ARHGAP39: variants seen among roughly 807,000 people sequenced by gnomAD.
ARHGAP39 encodes Rho GTPase activating protein 39.
In ARHGAP39, 44 loss-of-function variants were observed where a neutral mutation model predicts 106.9. That is an observed-to-expected ratio of 0.41 (90% CI 0.32 to 0.53). The LOEUF (loss-of-function observed/expected upper bound fraction) is 0.53, where lower values mean the gene tolerates loss of function less well. Ranked by LOEUF, ARHGAP39 falls within the 20% of genes least tolerant of loss-of-function variation. The pLI, the probability that ARHGAP39 is intolerant of heterozygous loss-of-function variation, is 0.21. For missense variants in ARHGAP39, 1,496 were observed against 1,577.3 expected (o/e 0.95, Z 0.87); for synonymous variants, 768 against 693.2 (o/e 1.11, Z -1.69).
In ARHGAP39 at chr8:144,580,900, G is replaced by T. The variant is rs200627287; in HGVS notation, c.458C>A (p.Pro153Gln). The change falls in exon 3 of 12, where the codon CCA (proline) becomes CAA (glutamine). Residue 153 changes from proline (P) to glutamine (Q), a missense_variant. This residue lies in a region of ARHGAP39 where 905 missense variants were observed against 816.4 expected (regional missense o/e 1.11). Transcript: ENST00000377307. ...EPDTEKAQEL[P>Q]ARAGRPAAFG... ...CGCCGCGGGCCGCCCGGCCCTCGCT[G>T]GCAACTCCTGCGCTTTCTCAGTGTC... The T allele has an allele frequency of 1.9e-6, 3 of 1,598,834 alleles. No homozygotes were observed. Among genetic ancestry groups the T allele is most frequent in the African/African-American group, 1.3e-5 (1 of 74,604 alleles).
chr8:144,533,012 T>C lies in ARHGAP39; in HGVS notation c.2888+114A>G. 4 of 1,273,606 alleles carry C rather than the reference T, an allele frequency of 3.1e-6. No homozygotes were observed. The South Asian group carries it at 4.2e-5, about 13-fold the overall frequency. The allele number at this position is 1,273,606 out of a possible 1,614,324, so 78.9% of individuals were successfully genotyped here. A position where few individuals can be genotyped will look rare whatever the true frequency, so the allele number is the denominator to read the frequency against. ...CCACCCTTCCATCTGCTCTCAGGTATGGGTGCGGAAGCAGCCCAGTGGGCC... is the reference window on the plus strand; with the variant it reads ...CCACCCTTCCATCTGCTCTCAGGTACGGGTGCGGAAGCAGCCCAGTGGGCC... On this transcript the variant is annotated intron_variant, in intron 9 of 11. Coordinates refer to ENST00000377307, the MANE Select transcript of ARHGAP39 (RefSeq NM_025251.3).
At chr8:144,687,331 C>T (rs550186116), upstream of ARHGAP39, among the ~76,000 whole-genome samples, 12 of 33,702 alleles carry the variant, frequency 3.6e-4, no homozygotes, top group Non-Finnish European at 5.3e-4. Flanking sequence ...CGAGCACTTC[C>T]CACCCCTGTG....
Position 144,604,635 on chromosome 8 carries a change from T to C in ARHGAP39, c.80+900A>G, listed in dbSNP as rs1464198777. 1.3e-5 allele frequency among the ~76,000 whole-genome samples: 2 copies of C among 152,102 alleles called. No homozygotes were observed. The highest frequency in any genetic ancestry group is 1.3e-4 in the Admixed American group (2 of 15,272). On this transcript the variant is annotated intron_variant, in intron 2 of 11. Coordinates refer to ENST00000377307, the MANE Select transcript of ARHGAP39 (RefSeq NM_025251.3). The surrounding 1 kb of genome is among the most constrained non-coding windows in gnomAD (Gnocchi z 4.1). ...TAGGGTGACTATTACCTTAAAAATA[T>C]CAATGTGACAACAGGCAGAGAAAAG...
chr8:144,658,998 A>G (rs1449132443), intron 1 of ARHGAP39, among the ~76,000 whole-genome samples: 1 of 152,148 alleles, frequency 6.6e-6, no homozygotes, highest in Non-Finnish European at 1.5e-5. Context: ...TACCAGGTTC[A>G]TGGATGTGGC....
At chr8:144,650,850 C>T (rs1821556183) in intron 1 of ARHGAP39, among the ~76,000 whole-genome samples, 2 of 152,110 alleles carry the variant, frequency 1.3e-5, no homozygotes, top group African/African-American at 4.8e-5. Flanking sequence ...CACAAGGATG[C>T]CCTCTCTCAC....
intron 2 of ARHGAP39, among the ~76,000 whole-genome samples, chr8:144,590,808 G>A (rs954649371): frequency 6.6e-6 from 1 of 152,084 alleles, no homozygotes; most frequent in Non-Finnish European, 1.5e-5. Context: ...CCAGCATGGA[G>A]ACCCCAGCCA....
At position 144,529,702 on chromosome 8, in the gene ARHGAP39, C is replaced by T. The variant is rs993711329; in HGVS notation, c.*720G>A. On this transcript the variant is annotated 3_prime_UTR_variant, in exon 12 of 12. Transcript: ENST00000377307. The stretch of plus-strand genomic sequence containing the variant: ...CTTATATCTTTCCCTCTATTTATAT[C>T]TCTATACACGGTGGGCTGCGATGCA... 1 of 152,256 alleles carries T rather than the reference C, an allele frequency of 6.6e-6. No homozygotes were observed. Among genetic ancestry groups the T allele is most frequent in the African/African-American group, 2.4e-5 (1 of 41,446 alleles). 9.4% of individuals were successfully genotyped at this position (152,256 alleles called of 1,614,324 possible).
intron 2 of ARHGAP39, among the ~76,000 whole-genome samples, chr8:144,602,066 T>TGCGA: frequency 8.1e-6 from 1 of 124,208 alleles, no homozygotes; most frequent in South Asian, 3.0e-4. Flanking sequence ...CATGCGTGCG[T>TGCGA]GCTCATGTAC....
At chr8:144,633,668 CA>C (rs1352318943) in intron 1 of ARHGAP39, among the ~76,000 whole-genome samples, 6 of 152,014 alleles carry the variant, frequency 3.9e-5, no homozygotes, top group Non-Finnish European at 1.5e-5. Flanking sequence ...ACCATGAGAA[CA>C]AAAAAATTTG....
chr8:144,629,968 G>T (rs1222152687), intron 1 of ARHGAP39, among the ~76,000 whole-genome samples: 1 of 152,118 alleles, frequency 6.6e-6, no homozygotes, highest in Non-Finnish European at 1.5e-5. Context: ...GGCCCTGGGG[G>T]CTGATTCTAG....
At chr8:144,569,039 A>G (rs1818497897) in intron 3 of ARHGAP39, among the ~76,000 whole-genome samples, 1 of 152,214 alleles carries the variant, frequency 6.6e-6, no homozygotes, top group Non-Finnish European at 1.5e-5. Context: ...GAATAAAAAC[A>G]TGTGACCTAA....
intron 1 of ARHGAP39, among the ~76,000 whole-genome samples, chr8:144,666,142 T>G (rs764175438): frequency 6.6e-6 from 1 of 152,208 alleles, no homozygotes; most frequent in Non-Finnish European, 1.5e-5. Flanking sequence ...GATTTTGAAC[T>G]TGCAAGGGGC....
chr8:144,691,301 T>C, the ARHGAP39 span, among the ~76,000 whole-genome samples: 1 of 152,258 alleles, frequency 6.6e-6, no homozygotes, highest in East Asian at 1.9e-4. Context: ...GGATCATCCA[T>C]GATGTCTGCC....
At position 144,591,506 on chromosome 8, in the gene ARHGAP39, C is replaced by T. The variant is rs1316223294; in HGVS notation, c.81-10229G>A. ...CTGAAGAAGGACTTGTTTGCATCCC[C>T]TTCCACCATGATTGTTCCCTGGGCG... On this transcript the variant is annotated intron_variant, in intron 2 of 11. Transcript: ENST00000377307. The surrounding 1 kb of genome is among the most constrained non-coding windows in gnomAD (Gnocchi z 5.3). 6.6e-6 allele frequency among the ~76,000 whole-genome samples: 1 copy of T among 152,218 alleles called. No individual in the cohort carries two copies. Among genetic ancestry groups the T allele is most frequent in the Non-Finnish European group, 1.5e-5 (1 of 68,030 alleles).
rs1348975284 is a variant in ARHGAP39, at chr8:144,548,654, A to ACCCCCAGCC, written c.597-174_597-166dup. ...CCCCTCACACCTGCCTTGCCCCAGC[A>ACCCCCAGCC]CCCCCAGCCCTCCCTCTGGGGCTCT... On this transcript the variant is annotated intron_variant, in intron 4 of 11. Transcript: ENST00000377307. This position sits in a 1 kb window ranked among gnomAD's most constrained non-coding sequence, Gnocchi z 7.4. Among the ~76,000 whole-genome samples, 3 of 151,848 alleles carry ACCCCCAGCC rather than the reference A, an allele frequency of 2.0e-5. No homozygotes were observed.
chr8:144,605,426 T>G (rs539194870), intron 2 of ARHGAP39, 109 bp downstream of exon 2: 6 of 1,191,298 alleles, frequency 5.0e-6, no homozygotes, highest in Non-Finnish European at 7.3e-6. Flanking sequence ...CAGCGACGAA[T>G]CCATTCTCCA....
chr8:144,685,296 G>A (rs1200588027), intron 1 of ARHGAP39, among the ~76,000 whole-genome samples: 2 of 151,572 alleles, frequency 1.3e-5, no homozygotes, highest in South Asian at 4.2e-4. Flanking sequence ...ACCCACATTG[G>A]GGCCGGGCAC....
At chr8:144,563,735 G>A (rs1195801194) in intron 3 of ARHGAP39, among the ~76,000 whole-genome samples, 1 of 151,970 alleles carries the variant, frequency 6.6e-6, no homozygotes, top group Non-Finnish European at 1.5e-5. Flanking sequence ...AGGCTGCAGT[G>A]AGCTGTGATC....
At chr8:144,566,320 T>C (rs1818394398) in intron 3 of ARHGAP39, among the ~76,000 whole-genome samples, 1 of 151,494 alleles carries the variant, frequency 6.6e-6, no homozygotes, top group Non-Finnish European at 1.5e-5. Flanking sequence ...AATCCAGTGC[T>C]TTGGGGGCCG....
Sources: gnomAD v4.1 joint callset for allele counts (sites outside exome capture counted in the v4.1 genomes callset) on GRCh38, gnomAD v4.1.1 for gene constraint, gnomAD v4.1.1 regional missense constraint, Gnocchi (gnomAD v3.1) non-coding constraint, MANE v1.5 for transcripts, NCBI Gene and HGNC (gene_info 2026-07-23, HGNC 2026-07-21) for gene names.